KCNE3: variants seen among roughly 807,000 people sequenced by gnomAD.
KCNE3 encodes potassium voltage-gated channel subfamily E regulatory subunit 3.
KCNE3 carries 2 observed loss-of-function variants against 4.3 expected under a neutral mutation model. The observed-to-expected ratio is 0.47, with a 90% CI of 0.19 to 1.48. The LOEUF is 1.48. Among genes scored for constraint, KCNE3 ranks in the 40% most tolerant of loss-of-function variants. KCNE3 has a pLI of 0.25. For synonymous variants in KCNE3, 47 were observed against 52.0 expected (o/e 0.90, Z 0.41); for missense variants, 128 against 136.8 (o/e 0.94, Z 0.32).
chr11:74,457,699 G>A (rs1478140668), intron 2 of KCNE3, 96 bp from the exon 3 acceptor site: 3 of 813,130 alleles, frequency 3.7e-6, no homozygotes, highest in Non-Finnish European at 6.3e-6. Flanking sequence ...TAGCATCATG[G>A]CTGATATGGT....
rs1159858877 is a variant in KCNE3, at chr11:74,455,524, G to C, written c.*1728C>G. On this transcript the variant is annotated 3_prime_UTR_variant, in exon 3 of 3. Transcript: ENST00000310128. ...GAAGCCTAGAATGTCAGAACTGATAGAGCCTTAGAGACTTTCAAGTCTATT... is the reference window on the plus strand; with the variant it reads ...GAAGCCTAGAATGTCAGAACTGATACAGCCTTAGAGACTTTCAAGTCTATT... 2 of 152,130 alleles carry C rather than the reference G, an allele frequency of 1.3e-5. No individual in the cohort carries two copies. Among genetic ancestry groups the C allele is most frequent in the Non-Finnish European group, 1.5e-5 (1 of 68,040 alleles). 9.4% of individuals were successfully genotyped at this position (152,130 alleles called of 1,614,324 possible).
chr11:74,457,697 T>C (rs1863855654), intron 2 of KCNE3, 94 bp from the exon 3 acceptor site: 5 of 812,396 alleles, frequency 6.2e-6, no homozygotes, highest in African/African-American at 1.7e-5. Context: ...CTTAGCATCA[T>C]GGCTGATATG....
rs927905659 is a variant in KCNE3, at chr11:74,455,140, A to G, written c.*2112T>C. Reference sequence around the variant, plus strand: ...CTTTTTTCCTTTTATTATACAAGTAACATACTTACGGTCAAGTCAGTCAAA... The same window carrying G: ...CTTTTTTCCTTTTATTATACAAGTAGCATACTTACGGTCAAGTCAGTCAAA... On this transcript the variant is annotated 3_prime_UTR_variant, in exon 3 of 3. Coordinates refer to ENST00000310128, the MANE Select transcript of KCNE3 (RefSeq NM_005472.5). 6.6e-6 allele frequency: 1 copy of G among 152,230 alleles called. No individual in the cohort carries two copies. The highest frequency in any genetic ancestry group is 1.5e-5 in the Non-Finnish European group (1 of 68,044). The allele number at this position is 152,230 out of a possible 1,614,324, so 9.4% of individuals were successfully genotyped here. A position where few individuals can be genotyped will look rare whatever the true frequency, so the allele number is the denominator to read the frequency against.
rs1863844643 is a variant in KCNE3, at chr11:74,457,404, C to T, written c.160G>A (p.Asp54Asn). The T allele has an allele frequency of 1.2e-6, 2 of 1,613,886 alleles. No homozygotes were observed. Among genetic ancestry groups the T allele is most frequent in the Non-Finnish European group, 1.7e-6 (2 of 1,179,768 alleles). Reference protein sequence around the residue: ...EERRASLPGRDDNSYMYILFV... With the variant: ...EERRASLPGRNDNSYMYILFV... ...AGAATGTACATGTAGGAGTTGTCAT[C>T]ACGGCCAGGTAGGCTGGCCCGCCTC... The change falls in exon 3 of 3, where the codon GAT becomes AAT. Residue 54 changes from aspartate (D) to asparagine (N), a missense_variant. Asp to Asn is a conservative substitution (Grantham distance 23). Transcript: ENST00000310128.
chr11:74,459,024 G>A (rs1863885008), intron 2 of KCNE3, among the ~76,000 whole-genome samples: 3 of 152,140 alleles, frequency 2.0e-5, no homozygotes, highest in African/African-American at 7.2e-5. Context: ...AACGGGAACA[G>A]GTTGGTAACC....
Position 74,456,800 on chromosome 11 carries a change from C to T in KCNE3, c.*452G>A. ...CCTGCTTTCTTCACGGGAGCGGGGGCAGGGTGGTGGTGGTAAATCATATCT... is the reference window on the plus strand; with the variant it reads ...CCTGCTTTCTTCACGGGAGCGGGGGTAGGGTGGTGGTGGTAAATCATATCT... On this transcript the variant is annotated 3_prime_UTR_variant, in exon 3 of 3. Coordinates refer to ENST00000310128, the MANE Select transcript of KCNE3 (RefSeq NM_005472.5). The T allele has an allele frequency of 1.5e-5, 3 of 201,372 alleles. No individual in the cohort carries two copies. Among genetic ancestry groups the T allele is most frequent in the Non-Finnish European group, 2.0e-5 (2 of 97,968 alleles). 12.5% of individuals were successfully genotyped at this position (201,372 alleles called of 1,614,324 possible).
chr11:74,465,293 G>A (rs912764576), intron 1 of KCNE3, among the ~76,000 whole-genome samples: 9 of 152,118 alleles, frequency 5.9e-5, no homozygotes, highest in African/African-American at 1.7e-4. Context: ...TCTGGCACAC[G>A]CACATACATT....
intron 1 of KCNE3, among the ~76,000 whole-genome samples, chr11:74,464,068 C>T (rs987288102): frequency 2.0e-5 from 3 of 152,180 alleles, no homozygotes; most frequent in African/African-American, 7.2e-5. Context: ...ACTCCTGATT[C>T]CCCAGATGAG....
At chr11:74,465,852 A>T (rs1864047656) in intron 1 of KCNE3, among the ~76,000 whole-genome samples, 2 of 152,124 alleles carry the variant, frequency 1.3e-5, no homozygotes, top group South Asian at 4.1e-4. Flanking sequence ...GGCTGGTCAC[A>T]CTGTTTTCCT....
rs2135004288 is a variant in KCNE3, at chr11:74,457,496, G to C, written c.68C>G (p.Ala23Gly). The C allele has an allele frequency of 6.2e-7, 1 of 1,614,216 alleles. No individual in the cohort carries two copies. The highest frequency in any genetic ancestry group is 1.1e-5 in the South Asian group (1 of 91,090). ...SLHAVLKALNATLHSNLLCRP... is the reference protein window; with the variant it reads ...SLHAVLKALNGTLHSNLLCRP... Reference sequence around the variant, plus strand: ...GCAGAGCAAATTGCTGTGAAGAGTGGCATTTAGAGCCTTCAGCACGGCATG... The same window carrying C: ...GCAGAGCAAATTGCTGTGAAGAGTGCCATTTAGAGCCTTCAGCACGGCATG... The change falls in exon 3 of 3, where the codon GCC becomes GGC. Residue 23 changes from alanine to glycine, a missense_variant. Transcript: ENST00000310128.
In KCNE3 at chr11:74,456,975, C is replaced by T; in HGVS notation, c.*277G>A. The T allele has an allele frequency of 2.1e-6, 1 of 487,178 alleles. No individual in the cohort carries two copies. Among genetic ancestry groups the T allele is most frequent in the Non-Finnish European group, 3.7e-6 (1 of 267,872 alleles). The allele number at this position is 487,178 out of a possible 1,614,324, so 30.2% of individuals were successfully genotyped here. ...GCCCCTAATACTCCAGCCACTGAAC[C>T]AGTTATTGGTCATTATCTGTTGCTA... On this transcript the variant is annotated 3_prime_UTR_variant, in exon 3 of 3. Coordinates refer to ENST00000310128, the MANE Select transcript of KCNE3 (RefSeq NM_005472.5).
chr11:74,459,475 G>A (rs891325505), intron 2 of KCNE3, among the ~76,000 whole-genome samples: 5 of 151,926 alleles, frequency 3.3e-5, no homozygotes, highest in Admixed American at 6.6e-5. Context: ...TGTTAGCCAG[G>A]ATGGTCTCGA....
rs1468477209 is a variant in KCNE3, at chr11:74,457,637, C to G, written c.-40-34G>C. 80 of 1,333,942 alleles carry G rather than the reference C, an allele frequency of 6.0e-5. No individual in the cohort carries two copies. The South Asian group carries it at 8.9e-4, about 15-fold the overall frequency. The allele number at this position is 1,333,942 out of a possible 1,614,324, so 82.6% of individuals were successfully genotyped here. On this transcript the variant is annotated intron_variant, in intron 2 of 2. Transcript: ENST00000310128. ...AAAAGAAAAGAGAGAGGGGATGGCT[C>G]TGTCACCTGCAGCTCAAATGACCTC... is the stretch of plus-strand genomic sequence containing the variant.
In KCNE3 at chr11:74,457,575, T is replaced by G. The variant is rs1057518549; in HGVS notation, c.-12A>C. On this transcript the variant is annotated 5_prime_UTR_variant, in exon 3 of 3. Transcript: ENST00000310128. The stretch of plus-strand genomic sequence containing the variant: ...TTGGTAGTCTCCATAGCAACAGGGA[T>G]TGAGGTGGGGGAAGACTCGGTAGAA... 1 of 1,613,392 alleles carries G rather than the reference T, an allele frequency of 6.2e-7. No homozygotes were observed. Among genetic ancestry groups the G allele is most frequent in the Admixed American group, 1.7e-5 (1 of 59,988 alleles).
rs553895154 is a variant in KCNE3 at position 74,459,861 on chromosome 11, G to A, written c.-41+2094C>T. 1.3e-3 allele frequency among the ~76,000 whole-genome samples: 194 copies of A among 152,212 alleles called. 1 individual carries two copies. The highest frequency in any genetic ancestry group is 4.5e-3 in the African/African-American group (189 of 41,542). On this transcript the variant is annotated intron_variant, in intron 2 of 2. Transcript: ENST00000310128. ...AGACTGGGTGTTCTCCTTTCCCAGG[G>A]CACTACCTTGAGACTGGCTGGGTAT...
At chr11:74,463,073 C>A (rs189883332) in intron 1 of KCNE3, among the ~76,000 whole-genome samples, 1 of 152,226 alleles carries the variant, frequency 6.6e-6, no homozygotes, top group East Asian at 1.9e-4. Context: ...TCTAATATCC[C>A]AGTCGAGCCA....
In KCNE3 at chr11:74,461,983, A is replaced by G. The variant is rs1221935046; in HGVS notation, c.-69T>C. 1 of 152,234 alleles carries G rather than the reference A, an allele frequency of 6.6e-6. No individual in the cohort carries two copies. Among genetic ancestry groups the G allele is most frequent in the Non-Finnish European group, 1.5e-5 (1 of 68,080 alleles). The allele number at this position is 152,234 out of a possible 1,614,324, so 9.4% of individuals were successfully genotyped here. On this transcript the variant is annotated 5_prime_UTR_variant, in exon 2 of 3. Transcript: ENST00000310128. ...ACTGCTGGCAAATCCACTGGCTCTC[A>G]GTCAGTTTCAGGAGTCCCTTTGTGG...
At chr11:74,464,749 T>G (rs967253251) in intron 1 of KCNE3, among the ~76,000 whole-genome samples, 3 of 152,168 alleles carry the variant, frequency 2.0e-5, no homozygotes, top group Non-Finnish European at 4.4e-5. Context: ...CTCTTCTGAT[T>G]ACCACTGAAG....
At chr11:74,464,102 T>C (rs1185811394) in intron 1 of KCNE3, among the ~76,000 whole-genome samples, 1 of 152,236 alleles carries the variant, frequency 6.6e-6, no homozygotes, top group Non-Finnish European at 1.5e-5. Context: ...CTGTTCCTGC[T>C]ATTTCCCATA....
Sources: gnomAD v4.1 joint callset for allele counts (sites outside exome capture counted in the v4.1 genomes callset) on GRCh38, gnomAD v4.1.1 for gene constraint, MANE v1.5 for transcripts, NCBI Gene and HGNC (gene_info 2026-07-23, HGNC 2026-07-21) for gene names.